Variants in SEMA6D observed in about 807,000 individuals in gnomAD.
The protein encoded by SEMA6D is semaphorin-6D.
Under a neutral mutation model 106.6 loss-of-function variants are expected in SEMA6D, and 35 were observed. The observed-to-expected ratio is 0.33, with a 90% CI of 0.25 to 0.44. The LOEUF is 0.44. SEMA6D is among the 20% of genes least tolerant of loss of function. The probability of loss-of-function intolerance (pLI) is 1.00; values close to 1 mark genes in which losing one functional copy is unlikely to be tolerated. For missense variants in SEMA6D, 1,185 were observed against 1,345.9 expected, an observed-to-expected ratio of 0.88 and a Z score of 1.87; for synonymous variants, 499 against 487.7, an observed-to-expected ratio of 1.02 and a Z score of -0.31.
At chr15:47,619,686 T>C (rs2077065605) in intron 4 of SEMA6D, among the ~76,000 whole-genome samples, 1 of 152,174 alleles carries the variant, frequency 6.6e-6, no homozygotes, top group African/African-American at 2.4e-5. Flanking sequence ...GTGATTTGGT[T>C]TGCTCGCTAA....
In SEMA6D at chr15:47,276,652, T is replaced by C. The variant is rs72623943; in HGVS notation, c.-239+92234T>C. On this transcript the variant is annotated intron_variant, in intron 1 of 19. Coordinates refer to the SEMA6D transcript ENST00000558014. ...ATTCACTTCAAAATATTACTGTTCA[T>C]TGACAATGCTCCTAGTCACCCAAGA... Among the ~76,000 whole-genome samples the C allele has an allele frequency of 0.057, 8,699 of 152,210 alleles. 1,248 individuals carry two copies. The East Asian group carries it at 0.61, about 11-fold the overall frequency.
intron 1 of SEMA6D, among the ~76,000 whole-genome samples, chr15:47,208,573 C>T (rs190070548): frequency 1.3e-5 from 2 of 152,216 alleles, no homozygotes; most frequent in East Asian, 3.9e-4. Flanking sequence ...CTTTCCATTT[C>T]TTCAATATAA....
chr15:47,492,878 T>A (rs2043515647), intron 3 of SEMA6D, among the ~76,000 whole-genome samples: 1 of 152,154 alleles, frequency 6.6e-6, no homozygotes, highest in Admixed American at 6.6e-5. Flanking sequence ...AGTCCCAACT[T>A]TGACTTAAAT....
intron 7 of SEMA6D, 61 bp downstream of exon 7, chr15:47,761,812 T>C (rs1318285341): frequency 1.5e-6 from 2 of 1,366,152 alleles, no homozygotes; most frequent in African/African-American, 1.4e-5. Context: ...AAAAAGGAAT[T>C]TAATGGAAGA....
chr15:47,262,557 C>G (rs74685985), intron 1 of SEMA6D, among the ~76,000 whole-genome samples: 12,513 of 152,028 alleles, frequency 0.082, 943 homozygotes, highest in African/African-American at 0.2. Flanking sequence ...GGAAATGGCC[C>G]TCATGATTCA....
At chr15:47,478,174 CAGTT>C (rs1217713818) in intron 3 of SEMA6D, among the ~76,000 whole-genome samples, 5 of 152,276 alleles carry the variant, frequency 3.3e-5, no homozygotes, top group African/African-American at 9.6e-5. Flanking sequence ...CAGTAGAAAA[CAGTT>C]AGCCTATTCA....
chr15:47,515,773 A>T (rs1417267021), intron 3 of SEMA6D, among the ~76,000 whole-genome samples: 2 of 152,220 alleles, frequency 1.3e-5, no homozygotes, highest in Non-Finnish European at 2.9e-5. Flanking sequence ...TCCAGCTAGT[A>T]AAAGGCATGA....
chr15:47,557,061 T>A (rs2045935913), intron 3 of SEMA6D, among the ~76,000 whole-genome samples: 1 of 152,114 alleles, frequency 6.6e-6, no homozygotes, highest in Admixed American at 6.6e-5. Context: ...ATCTGACTTG[T>A]CATACAGTGT....
At chr15:47,748,648 G>A (rs1027240112) in intron 1 of SEMA6D, among the ~76,000 whole-genome samples, 4 of 152,210 alleles carry the variant, frequency 2.6e-5, no homozygotes, top group Non-Finnish European at 4.4e-5. Flanking sequence ...AAAGAATAGC[G>A]TGTGCAGAAG....
At chr15:47,507,583 G>A (rs2044091704) in intron 3 of SEMA6D, among the ~76,000 whole-genome samples, 1 of 152,202 alleles carries the variant, frequency 6.6e-6, no homozygotes, top group Admixed American at 6.5e-5. Flanking sequence ...AGAACTGTCT[G>A]TTTGTTCAAC....
chr15:47,229,956 T>G (rs943601490), intron 1 of SEMA6D, among the ~76,000 whole-genome samples: 3 of 152,122 alleles, frequency 2.0e-5, no homozygotes, highest in Non-Finnish European at 2.9e-5. Context: ...AAAAGCTTTT[T>G]AGTATAAACC....
chr15:47,187,222 C>G (rs567856460), intron 1 of SEMA6D, among the ~76,000 whole-genome samples: 91 of 152,112 alleles, frequency 6.0e-4, no homozygotes, highest in African/African-American at 2.1e-3. Flanking sequence ...CGATTATCTT[C>G]TTAAAGATAC....
intron 1 of SEMA6D, among the ~76,000 whole-genome samples, chr15:47,409,624 A>G (rs1424107547): frequency 1.3e-5 from 2 of 152,114 alleles, no homozygotes; most frequent in African/African-American, 4.8e-5. Context: ...AAATATTCAG[A>G]TTTTTCTAAT....
At chr15:47,620,236 C>G (rs1566939856) in intron 4 of SEMA6D, among the ~76,000 whole-genome samples, 1 of 151,978 alleles carries the variant, frequency 6.6e-6, no homozygotes, top group East Asian at 1.9e-4. Flanking sequence ...TGTGCACATG[C>G]AGTGAATGTT....
In SEMA6D at chr15:47,366,540, A is replaced by G. The variant is rs564273521; in HGVS notation, c.-238-45853A>G. On this transcript the variant is annotated intron_variant, in intron 1 of 19. Transcript: ENST00000558014. The stretch of plus-strand genomic sequence containing the variant: ...CAGGCCCTAAGACTATATTTGAGGT[A>G]TGCATAGAGTACAGTTGGGAAACAG... Among the ~76,000 whole-genome samples, 13 of 152,360 alleles carry G rather than the reference A, an allele frequency of 8.5e-5. No homozygotes were observed. The East Asian group carries it at 2.5e-3, about 29-fold the overall frequency.
intron 4 of SEMA6D, among the ~76,000 whole-genome samples, chr15:47,664,897 C>G (rs1252143098): frequency 6.6e-6 from 1 of 152,154 alleles, no homozygotes; most frequent in African/African-American, 2.4e-5. Flanking sequence ...CTGGGCAGCC[C>G]CAGTGAATAA....
intron 2 of SEMA6D, among the ~76,000 whole-genome samples, chr15:47,461,158 T>C (rs2042496652): frequency 6.6e-6 from 1 of 152,100 alleles, no homozygotes; most frequent in Non-Finnish European, 1.5e-5. Context: ...TTTATTTGAT[T>C]CTTACTTCAA....
In SEMA6D at chr15:47,614,430, A is replaced by G. The variant is rs534342051; in HGVS notation, c.-55+13534A>G. 5.3e-5 allele frequency among the ~76,000 whole-genome samples: 8 copies of G among 152,238 alleles called. 1 individual carries two copies. Among genetic ancestry groups the G allele is most frequent in the Admixed American group, 5.2e-4 (8 of 15,292 alleles). On this transcript the variant is annotated intron_variant, in intron 4 of 19. Coordinates refer to the SEMA6D transcript ENST00000558014. ...GCCAAACTCCTTCTTTAAGTTGACA[A>G]CCCTCATTTAATTCTTTGCAGTTCA...
intron 1 of SEMA6D, among the ~76,000 whole-genome samples, chr15:47,361,771 G>A (rs577515151): frequency 6.6e-6 from 1 of 152,216 alleles, no homozygotes; most frequent in East Asian, 1.9e-4. Flanking sequence ...ACTCCACTCA[G>A]CCTCTCCCCG....
Sources: gnomAD v4.1 joint callset for allele counts (sites outside exome capture counted in the v4.1 genomes callset) on GRCh38, gnomAD v4.1.1 for gene constraint, MANE v1.5 for transcripts, NCBI Gene and HGNC (gene_info 2026-07-23, HGNC 2026-07-21) for gene names.